CCDC191: variants seen among roughly 807,000 people sequenced by gnomAD.
CCDC191 encodes coiled-coil domain-containing protein 191.
In CCDC191, 99 loss-of-function variants were observed where a neutral mutation model predicts 114.0. That is an observed-to-expected ratio of 0.87 (90% CI 0.74 to 1.03). The LOEUF is 1.03. CCDC191 is among the 50% of genes least tolerant of loss of function. The pLI, the probability that CCDC191 is intolerant of heterozygous loss-of-function variation, is 0.00. For missense variants in CCDC191, 973 were observed against 1,087.0 expected, an observed-to-expected ratio of 0.90 and a Z score of 1.47; for synonymous variants, 351 against 376.0, an observed-to-expected ratio of 0.93 and a Z score of 0.77.
chr3:114,055,717 C>T (rs1338910161), intron 1 of CCDC191, among the ~76,000 whole-genome samples: 4 of 152,180 alleles, frequency 2.6e-5, no homozygotes, highest in Non-Finnish European at 5.9e-5. Context: ...GCACACGGTG[C>T]AACTGTGACT....
At position 114,010,911 on chromosome 3, in the gene CCDC191, G is replaced by C. The variant is rs191818836; in HGVS notation, c.1274C>G (p.Thr425Arg). The change falls in exon 9 of 17, where the codon ACA becomes AGA. Residue 425 changes from threonine (T) to arginine (R), a missense_variant. Physicochemically the swap from Thr to Arg is moderately conservative, Grantham distance 71. Transcript: ENST00000295878. ...AELLKRELAL[T>R]KEETRKKMDA... is the part of the protein sequence containing the mutation. ...CATCTTCTTCCTAGTTTCCTCTTTT[G>C]TGAGAGCCAGCTCTCTCTTCAGGAG... 2.5e-6 allele frequency: 4 copies of C among 1,614,020 alleles called. No individual in the cohort carries two copies. In the African/African-American group the frequency reaches 5.3e-5, roughly 22 times the overall value.
intron 13 of CCDC191, among the ~76,000 whole-genome samples, chr3:113,990,147 C>T (rs2075507717): frequency 6.6e-6 from 1 of 151,888 alleles, no homozygotes; most frequent in Non-Finnish European, 1.5e-5. Flanking sequence ...ACAAAGAAAA[C>T]CAGTGAAACC....
intron 7 of CCDC191, among the ~76,000 whole-genome samples, chr3:114,021,346 A>C (rs2076240733): frequency 6.6e-6 from 1 of 152,110 alleles, no homozygotes; most frequent in South Asian, 2.1e-4. Flanking sequence ...ACCACACAGA[A>C]GCTAACAAGA....
At position 114,010,796 on chromosome 3, in the gene CCDC191, C is replaced by T; in HGVS notation, c.1389G>A (p.Val463=). The T allele has an allele frequency of 6.2e-7, 1 of 1,613,414 alleles. No individual in the cohort carries two copies. Among genetic ancestry groups the T allele is most frequent in the Non-Finnish European group, 8.5e-7 (1 of 1,179,524 alleles). ...ISLPEEATAM[V]GPPVKNGQET... is the part of the protein sequence containing the mutation. ...CCTGTCCATTTTTTACTGGTGGACC[C>T]ACCATGGCTGTTGCCTCCTCAGGTA... Residue 463 remains valine, a synonymous_variant, in exon 9 of 17, where the codon GTG becomes GTA. Transcript: ENST00000295878.
At chr3:114,020,757 A>G (rs936293197) in intron 7 of CCDC191, among the ~76,000 whole-genome samples, 3 of 152,138 alleles carry the variant, frequency 2.0e-5, no homozygotes, top group African/African-American at 7.2e-5. Context: ...TGACTTGGTA[A>G]AATATTCTAT....
At chr3:113,970,557 C>T (rs1479990333) in intron 16 of CCDC191, among the ~76,000 whole-genome samples, 1 of 151,960 alleles carries the variant, frequency 6.6e-6, no homozygotes, top group African/African-American at 2.4e-5. Flanking sequence ...TTGGTCCTGG[C>T]CAGGATGTTG....
At chr3:113,978,125 A>G (rs1041856718) in intron 16 of CCDC191, 61 bp downstream of exon 16, 6 of 1,580,240 alleles carry the variant, frequency 3.8e-6, no homozygotes, top group Non-Finnish European at 5.2e-6. Context: ...GTAGGAGCAG[A>G]ATATATTGCT....
intron 13 of CCDC191, among the ~76,000 whole-genome samples, chr3:113,994,924 T>C (rs1160332255): frequency 1.3e-5 from 2 of 152,192 alleles, no homozygotes; most frequent in African/African-American, 2.4e-5. Flanking sequence ...TAAATGTTTC[T>C]AGCAACTTTA....
intron 1 of CCDC191, among the ~76,000 whole-genome samples, chr3:114,054,594 A>G (rs917783134): frequency 2.0e-5 from 3 of 152,146 alleles, no homozygotes; most frequent in Non-Finnish European, 4.4e-5. Context: ...CCGAGATTGC[A>G]CCACTGCGCT....
At chr3:113,983,304 TTCTAC>T (rs578044099) in intron 13 of CCDC191, among the ~76,000 whole-genome samples, 122 of 152,300 alleles carry the variant, frequency 8.0e-4, no homozygotes, top group African/African-American at 2.7e-3. Context: ...GGACTCTCAT[TTCTAC>T]TCTATCCAGA....
Position 114,004,655 on chromosome 3 carries a change from G to T in CCDC191, c.1960C>A (p.Pro654Thr), listed in dbSNP as rs1400727904. Residue 654 changes from proline to threonine, a missense_variant, in exon 11 of 17, where the codon CCG becomes ACG. Coordinates refer to ENST00000295878, the MANE Select transcript of CCDC191 (RefSeq NM_020817.2). ...GCCCTGCCTTTTAGTATGGGATGCG[G>T]TGTCATCAATTGCTTTGGTTTCCTT... is the stretch of plus-strand genomic sequence containing the variant. ...LRRKPKQLMT[P>T]HPILKAMEER... The T allele has an allele frequency of 6.2e-7, 1 of 1,612,492 alleles. No individual in the cohort carries two copies. The highest frequency in any genetic ancestry group is 8.5e-7 in the Non-Finnish European group (1 of 1,179,144).
intron 6 of CCDC191, among the ~76,000 whole-genome samples, chr3:114,033,480 G>A (rs967459416): frequency 2.0e-5 from 3 of 152,014 alleles, no homozygotes; most frequent in African/African-American, 4.8e-5. Flanking sequence ...CTATTTTACG[G>A]CTCTTGTTGT....
chr3:114,000,616 T>C (rs75166198), intron 13 of CCDC191, among the ~76,000 whole-genome samples: 1 of 152,022 alleles, frequency 6.6e-6, no homozygotes, highest in Non-Finnish European at 1.5e-5. Flanking sequence ...AAATTCTTCA[T>C]GAAACATACC....
chr3:114,019,064 T>C (rs1379704632), intron 7 of CCDC191, among the ~76,000 whole-genome samples, 196 bp from the exon 8 acceptor site: 1 of 152,186 alleles, frequency 6.6e-6, no homozygotes, highest in African/African-American at 2.4e-5. Flanking sequence ...ATCATGCAAA[T>C]GAGGCATTCT....
intron 16 of CCDC191, among the ~76,000 whole-genome samples, chr3:113,975,443 T>C (rs1941246658): frequency 6.6e-6 from 1 of 152,320 alleles, no homozygotes; most frequent in South Asian, 2.1e-4. Context: ...TAAAGACTGG[T>C]GACCTTAAAT....
chr3:114,037,605 T>C (rs140135000), intron 4 of CCDC191, among the ~76,000 whole-genome samples: 1,746 of 152,306 alleles, frequency 0.011, 17 homozygotes, highest in Non-Finnish European at 0.02. Flanking sequence ...AATAAAGGTG[T>C]TATGAACATC....
chr3:114,015,637 T>C lies in CCDC191; in HGVS notation c.1163+3041A>G, dbSNP rs1381813092. ...CACACTAAGGAAATTGAATATACAG[T>C]TCAAATTTCAATACCACCATGTCAA... On this transcript the variant is annotated intron_variant, in intron 8 of 16. Coordinates refer to ENST00000295878, the MANE Select transcript of CCDC191 (RefSeq NM_020817.2). Among the ~76,000 whole-genome samples the C allele has an allele frequency of 2.0e-5, 3 of 152,172 alleles. No homozygotes were observed. The East Asian group carries it at 5.8e-4, about 29-fold the overall frequency.
At chr3:113,965,745 A>G (rs549648154) in intron 16 of CCDC191, among the ~76,000 whole-genome samples, 2 of 151,628 alleles carry the variant, frequency 1.3e-5, no homozygotes, top group Non-Finnish European at 2.9e-5. Context: ...GCCTGCCACC[A>G]TGCCTGGCTA....
chr3:113,986,787 G>C (rs2075375228), intron 13 of CCDC191, among the ~76,000 whole-genome samples: 2 of 152,056 alleles, frequency 1.3e-5, no homozygotes, highest in Admixed American at 1.3e-4. Flanking sequence ...GTGCTTGCTT[G>C]CTCTCTCTCG....
Sources: allele counts gnomAD v4.1 joint callset (sites outside exome capture counted in the v4.1 genomes callset), GRCh38; gene constraint gnomAD v4.1.1; transcripts MANE v1.5; gene names NCBI Gene and HGNC (gene_info 2026-07-23, HGNC 2026-07-21).